DYSF: variants seen among roughly 807,000 people sequenced by gnomAD.
The protein encoded by DYSF is dysferlin.
A neutral mutation model predicts 274.9 loss-of-function variants in DYSF; 212 were observed. The ratio of observed to expected loss-of-function variants is 0.77; its 90% CI spans 0.69 to 0.86. The LOEUF (loss-of-function observed/expected upper bound fraction) is 0.86, where lower values mean the gene tolerates loss of function less well. Among genes scored for constraint, DYSF ranks in the 40% least tolerant of loss-of-function variants. The pLI is 0.00. For synonymous variants in DYSF, 1,091 were observed against 1,078.7 expected (o/e 1.01, Z -0.22); for missense variants, 2,666 against 2,783.2 (o/e 0.96, Z 0.95).
At chr2:71,685,963 C>A (rs558004218) in intron 55 of DYSF, among the ~76,000 whole-genome samples, 15 of 152,196 alleles carry the variant, frequency 9.9e-5, no homozygotes, top group African/African-American at 3.1e-4. Context: ...CAGCCCATCC[C>A]CAACTCTCTC....
chr2:71,610,400 C>T (rs764838244), intron 36 of DYSF, among the ~76,000 whole-genome samples: 24 of 152,172 alleles, frequency 1.6e-4, no homozygotes, highest in Admixed American at 2.0e-4. Context: ...ATTTATTTAA[C>T]GTCATACATA....
intron 4 of DYSF, 31 bp downstream of exon 4, chr2:71,503,350 G>T: frequency 6.2e-7 from 1 of 1,610,700 alleles, no homozygotes; most frequent in Non-Finnish European, 8.5e-7. Context: ...GCCAGGTTAA[G>T]GTCCAAGGCA....
intron 3 of DYSF, 141 bp downstream of exon 3, chr2:71,482,111 T>C (rs2082964147): frequency 1.5e-6 from 1 of 685,092 alleles, no homozygotes; most frequent in Non-Finnish European, 2.5e-6. Context: ...ACTGGCCCAG[T>C]GATAGATGTT....
intron 30 of DYSF, among the ~76,000 whole-genome samples, chr2:71,589,163 G>T (rs542715086): frequency 2.0e-5 from 3 of 152,266 alleles, no homozygotes; most frequent in African/African-American, 7.2e-5. Flanking sequence ...CCAGAGCTTG[G>T]GACCCAGCTC....
At chr2:71,514,982 A>C (rs1488681782) in intron 7 of DYSF, among the ~76,000 whole-genome samples, 4 of 152,142 alleles carry the variant, frequency 2.6e-5, no homozygotes, top group South Asian at 2.1e-4. Context: ...AAAAAAAAAA[A>C]CAGTTGGTCA....
intron 3 of DYSF, among the ~76,000 whole-genome samples, chr2:71,492,949 A>G (rs975363557): frequency 2.6e-5 from 4 of 152,102 alleles, no homozygotes; most frequent in African/African-American, 9.6e-5. Flanking sequence ...TGCTTTGAAC[A>G]AGGCTCACTG....
intron 38 of DYSF, among the ~76,000 whole-genome samples, chr2:71,611,880 C>A (rs887727317): frequency 6.6e-6 from 1 of 152,214 alleles, no homozygotes; most frequent in Admixed American, 6.5e-5. Context: ...AAGGAGACAT[C>A]CCCTGGCTGT....
intron 3 of DYSF, among the ~76,000 whole-genome samples, chr2:71,492,905 A>T (rs555433510): frequency 7.0e-4 from 107 of 152,282 alleles, no homozygotes; most frequent in Middle Eastern, 3.4e-3. Flanking sequence ...TTTTTGAGAC[A>T]GGGCCTCACT....
chr2:71,480,570 A>G (rs2082799982), intron 1 of DYSF, among the ~76,000 whole-genome samples: 2 of 152,144 alleles, frequency 1.3e-5, no homozygotes, highest in Non-Finnish European at 2.9e-5. Flanking sequence ...AAATAATACT[A>G]CAATCAGAAA....
At chr2:71,611,174 CCTT>C in intron 36 of DYSF, 68 bp from the exon 37 acceptor site, 1 of 1,133,044 alleles carries the variant, frequency 8.8e-7, no homozygotes, top group Middle Eastern at 1.9e-4. Flanking sequence ...TCCTATCTGT[CCTT>C]CTCTCTTGTC....
intron 17 of DYSF, among the ~76,000 whole-genome samples, chr2:71,543,924 A>G (rs1410690092): frequency 2.1e-5 from 3 of 139,812 alleles, no homozygotes; most frequent in Admixed American, 7.1e-5. Flanking sequence ...GGGAGGGAGA[A>G]GGAGAGGGAG....
At chr2:71,681,941 C>G (rs778930401) in intron 54 of DYSF, among the ~76,000 whole-genome samples, 1 of 152,210 alleles carries the variant, frequency 6.6e-6, no homozygotes, top group Non-Finnish European at 1.5e-5. Flanking sequence ...AAGAGAGACC[C>G]GTGAGACACC....
Position 71,618,388 on chromosome 2 carries a change from G to GGTGT in DYSF, c.4465-2147_4465-2144dup, listed in dbSNP as rs1168130881. ...TAGAGGTGGCATGTGTGGTAGAGGT[G>GGTGT]GTGTGTGTGTGTGTGGTAGAGGTGG... On this transcript the variant is annotated intron_variant, in intron 40 of 55. Coordinates refer to ENST00000410020, the MANE Select transcript of DYSF (RefSeq NM_001130987.2). Among the ~76,000 whole-genome samples, 36 of 5,126 alleles carry GGTGT rather than the reference G, an allele frequency of 7.0e-3. 1 individual carries two copies. Among genetic ancestry groups the GGTGT allele is most frequent in the Admixed American group, 0.011 (5 of 438 alleles). The allele number at this position is 5,126 out of a possible 152,430, so 3.4% of individuals were successfully genotyped here. A position where few individuals can be genotyped will look rare whatever the true frequency, so the allele number is the denominator to read the frequency against.
chr2:71,477,178 T>C (rs1010568005), intron 1 of DYSF, among the ~76,000 whole-genome samples: 5 of 152,120 alleles, frequency 3.3e-5, no homozygotes, highest in Non-Finnish European at 7.4e-5. Context: ...GCAGGAGCAC[T>C]GGGACAAAGC....
At chr2:71,477,506 G>A (rs1401895884) in intron 1 of DYSF, among the ~76,000 whole-genome samples, 4 of 152,136 alleles carry the variant, frequency 2.6e-5, no homozygotes, top group Non-Finnish European at 5.9e-5. Flanking sequence ...CTGTAAAGCA[G>A]GCAGATTGCT....
chr2:71,471,447 A>G (rs889074319), intron 1 of DYSF, among the ~76,000 whole-genome samples: 3 of 152,196 alleles, frequency 2.0e-5, no homozygotes, highest in African/African-American at 7.2e-5. Context: ...GGATGCTGCT[A>G]GACATTCCAC....
intron 17 of DYSF, among the ~76,000 whole-genome samples, chr2:71,542,025 A>G (rs1195011326): frequency 6.6e-6 from 1 of 152,188 alleles, no homozygotes; most frequent in Non-Finnish European, 1.5e-5. Flanking sequence ...TGGACAGCTG[A>G]AGGCAGAGTG....
chr2:71,570,360 G>A (rs2092346956), intron 28 of DYSF, 26 bp downstream of exon 28: 2 of 1,607,420 alleles, frequency 1.2e-6, no homozygotes, highest in Admixed American at 1.7e-5. Context: ...AACCTGGCGA[G>A]CCCCATCCCC....
chr2:71,593,163 G>A (rs771098727), intron 32 of DYSF, among the ~76,000 whole-genome samples: 3 of 114,894 alleles, frequency 2.6e-5, no homozygotes, highest in African/African-American at 3.5e-5. Context: ...ACAGAGTTTC[G>A]CTCTTGTTGC....
Sources: gnomAD v4.1 joint callset for allele counts (sites outside exome capture counted in the v4.1 genomes callset) on GRCh38, gnomAD v4.1.1 for gene constraint, MANE v1.5 for transcripts, NCBI Gene and HGNC (gene_info 2026-07-23, HGNC 2026-07-21) for gene names.